SAMD5: variants seen among roughly 807,000 people sequenced by gnomAD.
The protein encoded by SAMD5 is sterile alpha motif domain containing 5.
Under a neutral mutation model 11.3 loss-of-function variants are expected in SAMD5, and 13 were observed. That is an observed-to-expected ratio of 1.15 (90% CI 0.75 to 1.83). SAMD5 has a LOEUF of 1.83. SAMD5 is among the 40% of genes most tolerant of loss of function. The probability of loss-of-function intolerance (pLI) is 0.00; values close to 1 mark genes in which losing one functional copy is unlikely to be tolerated. For missense variants in SAMD5, 255 were observed against 239.1 expected (o/e 1.07, Z -0.44); for synonymous variants, 129 against 111.3 (o/e 1.16, Z -1.00).
chr6:147,622,836 G>T (rs1789990457), intron 1 of SAMD5, among the ~76,000 whole-genome samples: 1 of 152,156 alleles, frequency 6.6e-6, no homozygotes. Flanking sequence ...ACATGGATGG[G>T]GAGGCCTCAC....
chr6:147,929,438 A>C, the SAMD5 span, among the ~76,000 whole-genome samples: 1 of 152,206 alleles, frequency 6.6e-6, no homozygotes, highest in African/African-American at 2.4e-5. Flanking sequence ...ACCCCGTTTT[A>C]ATATAAATAT....
At chr6:147,890,271 GA>G in the SAMD5 span, among the ~76,000 whole-genome samples, 1 of 150,380 alleles carries the variant, frequency 6.6e-6, no homozygotes, top group African/African-American at 2.4e-5. Context: ...CACAGAAGAA[GA>G]AATATACATA....
At chr6:147,884,855 G>T in the SAMD5 span, among the ~76,000 whole-genome samples, 7 of 152,096 alleles carry the variant, frequency 4.6e-5, no homozygotes, top group Non-Finnish European at 1.0e-4. Flanking sequence ...GCTGTCTGGC[G>T]CAATATTTGC....
chr6:147,945,377 C>T, the SAMD5 span, among the ~76,000 whole-genome samples: 2 of 152,140 alleles, frequency 1.3e-5, no homozygotes, highest in Admixed American at 1.3e-4. Context: ...GTATGCTTTA[C>T]CTCCAAATTG....
intron 1 of SAMD5, among the ~76,000 whole-genome samples, chr6:147,605,723 G>A (rs1478470090): frequency 6.6e-6 from 1 of 151,988 alleles, no homozygotes; most frequent in Non-Finnish European, 1.5e-5. Context: ...TGCAATTTAT[G>A]CAAATTTATC....
chr6:147,718,107 A>G (rs1300697789), intron 1 of SAMD5, among the ~76,000 whole-genome samples: 1 of 152,210 alleles, frequency 6.6e-6, no homozygotes, highest in Non-Finnish European at 1.5e-5. Flanking sequence ...ATTACTTTCA[A>G]GAAGTAGACT....
chr6:147,916,075 C>T, the SAMD5 span, among the ~76,000 whole-genome samples: 1 of 152,048 alleles, frequency 6.6e-6, no homozygotes, highest in Non-Finnish European at 1.5e-5. Context: ...CTACAAAGGA[C>T]ATGAACTCAT....
chr6:147,931,762 A>G, the SAMD5 span, among the ~76,000 whole-genome samples: 1 of 152,206 alleles, frequency 6.6e-6, no homozygotes, highest in Non-Finnish European at 1.5e-5. Context: ...TTACAATTTT[A>G]TTATGTATTT....
At chr6:147,796,661 A>G in the SAMD5 span, among the ~76,000 whole-genome samples, 2 of 152,256 alleles carry the variant, frequency 1.3e-5, no homozygotes, top group African/African-American at 2.4e-5. Flanking sequence ...CTTGGGCAGT[A>G]TTGCCATTTT....
At chr6:147,551,832 A>T (rs933406816) in intron 1 of SAMD5, among the ~76,000 whole-genome samples, 8 of 145,588 alleles carry the variant, frequency 5.5e-5, no homozygotes, top group African/African-American at 2.0e-4. Context: ...ATATATATAT[A>T]TATATGTATA....
chr6:147,643,744 A>AAGGAAG (rs1790348336), intron 1 of SAMD5, among the ~76,000 whole-genome samples: 2 of 115,998 alleles, frequency 1.7e-5, no homozygotes, highest in Non-Finnish European at 3.6e-5. Flanking sequence ...AGGGAAGGAA[A>AAGGAAG]GAAGGAAGGA....
At chr6:147,606,926 A>G (rs1045836699) in intron 1 of SAMD5, among the ~76,000 whole-genome samples, 1 of 148,844 alleles carries the variant, frequency 6.7e-6, no homozygotes, top group African/African-American at 2.5e-5. Context: ...AGAGAACTGT[A>G]TTATCCAAAG....
At chr6:147,791,664 C>T in the SAMD5 span, among the ~76,000 whole-genome samples, 1 of 152,074 alleles carries the variant, frequency 6.6e-6, no homozygotes. Context: ...TCAAATAAAT[C>T]CCCCTTAAAA....
At chr6:147,785,863 T>G in the SAMD5 span, among the ~76,000 whole-genome samples, 3 of 152,190 alleles carry the variant, frequency 2.0e-5, no homozygotes, top group Non-Finnish European at 4.4e-5. Flanking sequence ...TGCCAGATAA[T>G]GACTTTTGAT....
At chr6:147,690,553 G>T (rs9497843) in intron 1 of SAMD5, among the ~76,000 whole-genome samples, 16,697 of 152,016 alleles carry the variant, frequency 0.11, 1,040 homozygotes, top group South Asian at 0.22. Context: ...GGAGGCAGAG[G>T]CACGAGAATC....
intron 1 of SAMD5, among the ~76,000 whole-genome samples, chr6:147,701,951 C>A (rs1044364068): frequency 3.9e-5 from 6 of 152,090 alleles, no homozygotes; most frequent in African/African-American, 9.7e-5. Context: ...ACTTGAGGAA[C>A]CTGACTAAAG....
At chr6:147,658,633 T>C (rs4896935) in intron 1 of SAMD5, among the ~76,000 whole-genome samples, 13,470 of 151,442 alleles carry the variant, frequency 0.089, 872 homozygotes, top group East Asian at 0.26. Flanking sequence ...AAAGACATTA[T>C]GGGTGAGATT....
intron 1 of SAMD5, among the ~76,000 whole-genome samples, chr6:147,598,573 G>C (rs150274051): frequency 6.6e-6 from 1 of 152,242 alleles, no homozygotes; most frequent in Non-Finnish European, 1.5e-5. Flanking sequence ...TTAAAAAGTG[G>C]ATAATCATGA....
the SAMD5 span, among the ~76,000 whole-genome samples, chr6:147,837,350 G>A: frequency 7.2e-5 from 11 of 152,144 alleles, no homozygotes; most frequent in African/African-American, 2.7e-4. Flanking sequence ...CTTACATCTG[G>A]GTTATCTAAA....
Sources: allele counts gnomAD v4.1 joint callset (sites outside exome capture counted in the v4.1 genomes callset), GRCh38; gene constraint gnomAD v4.1.1; transcripts MANE v1.5; gene names NCBI Gene and HGNC (gene_info 2026-07-23, HGNC 2026-07-21).